CCNF: variants seen among roughly 807,000 people sequenced by gnomAD.
The protein encoded by CCNF is cyclin F, also known as cyclin-F.
In CCNF, 30 loss-of-function variants were observed where a neutral mutation model predicts 85.4. The ratio of observed to expected loss-of-function variants is 0.35; its 90% confidence interval spans 0.26 to 0.48. The LOEUF is 0.48. CCNF is among the 20% of genes least tolerant of loss of function. CCNF has a pLI of 0.99. For synonymous variants in CCNF, 439 were observed against 425.1 expected (o/e 1.03, Z -0.40); for missense variants, 919 against 1,010.4 (o/e 0.91, Z 1.23).
At chr16:2,435,918 G>A (rs1279749774) in intron 4 of CCNF, 45 bp downstream of exon 4, 10 of 1,432,542 alleles carry the variant, frequency 7.0e-6, no homozygotes, top group Non-Finnish European at 8.9e-6. Context: ...AGATAAGTGT[G>A]AGCCTTTGGC....
chr16:2,444,115 T>C (rs1394845742), intron 9 of CCNF, among the ~76,000 whole-genome samples: 3 of 151,854 alleles, frequency 2.0e-5, no homozygotes, highest in African/African-American at 7.3e-5. Flanking sequence ...GAGATGGGGT[T>C]TCACCATGTT....
chr16:2,457,065 G>A lies in CCNF; in HGVS notation c.*45G>A. The A allele has an allele frequency of 3.6e-6, 5 of 1,395,920 alleles. No homozygotes were observed. The highest frequency in any genetic ancestry group is 4.9e-6 in the Non-Finnish European group (5 of 1,021,034). The allele number at this position is 1,395,920 out of a possible 1,614,324, so 86.5% of individuals were successfully genotyped here. ...GCAGTGGATGTGTACTGAGGGGGCT[G>A]GAGGCGAAGGGTGGGAGCATAGCAT... On this transcript the variant is annotated 3_prime_UTR_variant, in exon 17 of 17. Transcript: ENST00000397066.
rs1455463657 is a variant in CCNF, at chr16:2,458,419, T to G, written c.*1399T>G. 1 of 152,084 alleles carries G rather than the reference T, an allele frequency of 6.6e-6. No homozygotes were observed. The highest frequency in any genetic ancestry group is 1.5e-5 in the Non-Finnish European group (1 of 68,048). The allele number at this position is 152,084 out of a possible 1,614,324, so 9.4% of individuals were successfully genotyped here. ...AGCACCCAACCACGCCCAGCTAATT[T>G]TTGTATTTTCGGTAGAGACGGGATT... On this transcript the variant is annotated 3_prime_UTR_variant, in exon 17 of 17. Transcript: ENST00000397066.
intron 10 of CCNF, 110 bp from the exon 11 acceptor site, chr16:2,448,745 A>C (rs2065375360): frequency 4.1e-6 from 4 of 965,140 alleles, no homozygotes. Context: ...CCAAAGCCCA[A>C]CGCCATGGCT....
At chr16:2,447,156 A>G (rs558085208) in intron 10 of CCNF, among the ~76,000 whole-genome samples, 4 of 152,348 alleles carry the variant, frequency 2.6e-5, no homozygotes, top group East Asian at 3.9e-4. Flanking sequence ...CAGTGAGAGA[A>G]TAACTGCTAA....
intron 15 of CCNF, 96 bp from the exon 16 acceptor site, chr16:2,455,295 ACAGG>A (rs781175835): frequency 8.5e-6 from 12 of 1,405,572 alleles, no homozygotes; most frequent in Admixed American, 2.7e-5. Context: ...GCACGTGGTG[ACAGG>A]CTGGGGCACG....
intron 8 of CCNF, among the ~76,000 whole-genome samples, chr16:2,442,903 T>C (rs1437482071): frequency 3.4e-5 from 3 of 87,330 alleles, no homozygotes; most frequent in South Asian, 6.3e-4. Context: ...ATATATTATA[T>C]AATATATAAA....
At chr16:2,430,145 G>A (rs1044316318) in intron 1 of CCNF, among the ~76,000 whole-genome samples, 12 of 152,180 alleles carry the variant, frequency 7.9e-5, no homozygotes, top group African/African-American at 2.4e-5. Context: ...CCGGTCAAGA[G>A]AGGGGAGCCG....
At chr16:2,437,903 TAA>T (rs34068510) in intron 5 of CCNF, 165 bp from the exon 6 acceptor site, 7,551 of 404,972 alleles carry the variant, frequency 0.019, no homozygotes, top group Middle Eastern at 0.032. Context: ...TGTTTCCCTT[TAA>T]AAAAAAAAAA....
Position 2,435,887 on chromosome 16 carries a change from C to T in CCNF, c.346+14C>T. 6.2e-7 allele frequency: 1 copy of T among 1,602,416 alleles called. No homozygotes were observed. Among genetic ancestry groups the T allele is most frequent in the Non-Finnish European group, 8.5e-7 (1 of 1,169,744 alleles). On this transcript the variant is annotated intron_variant, in intron 4 of 16. Transcript: ENST00000397066. ...ACAATGAAGGCCGTAAGTCCTCACCCCACCTGCATGTTGGCGCTTCAGATA... is the reference window on the plus strand; with the variant it reads ...ACAATGAAGGCCGTAAGTCCTCACCTCACCTGCATGTTGGCGCTTCAGATA...
chr16:2,440,486 A>G (rs2065315213), intron 8 of CCNF, among the ~76,000 whole-genome samples: 1 of 152,050 alleles, frequency 6.6e-6, no homozygotes. Context: ...GCGTGGTGGC[A>G]GGCACCTGAT....
rs748739816 is a variant in CCNF, at chr16:2,455,451, C to T, written c.1772C>T (p.Ala591Val). 39 of 1,599,896 alleles carry T rather than the reference C, an allele frequency of 2.4e-5. No homozygotes were observed. The highest frequency in any genetic ancestry group is 2.9e-5 in the Non-Finnish European group (34 of 1,169,036). Residue 591 changes from alanine (A) to valine (V), a missense_variant, in exon 16 of 17, where the codon GCG (alanine) becomes GTG (valine). Around this residue, in one of 3 missense-constraint regions of CCNF, gnomAD observed 505 missense variants for 514.8 expected, o/e 0.98. Coordinates refer to ENST00000397066, the MANE Select transcript of CCNF (RefSeq NM_001761.3). Reference sequence around the variant, plus strand: ...GGCAGCTTCGTTACCACCCCCACTGCGGAGCTGTCCAGCCAGGAGGAGACG... The same window carrying T: ...GGCAGCTTCGTTACCACCCCCACTGTGGAGCTGTCCAGCCAGGAGGAGACG... ...DRGSFVTTPT[A>V]ELSSQEETLL...
chr16:2,431,776 T>C (rs1316171464), intron 2 of CCNF, among the ~76,000 whole-genome samples: 3 of 151,682 alleles, frequency 2.0e-5, no homozygotes, highest in African/African-American at 7.3e-5. Flanking sequence ...AAATTCCTAC[T>C]GCTGTCTCCT....
chr16:2,446,217 C>G (rs2065361631), intron 10 of CCNF, among the ~76,000 whole-genome samples: 1 of 151,898 alleles, frequency 6.6e-6, no homozygotes, highest in African/African-American at 2.4e-5. Context: ...TGGCCTCGCT[C>G]TGGCAGGCAC....
intron 11 of CCNF, 43 bp from the exon 12 acceptor site, chr16:2,449,239 G>C (rs781247687): frequency 2.1e-5 from 33 of 1,603,840 alleles, no homozygotes; most frequent in African/African-American, 2.7e-5. Context: ...GCACCAAGGA[G>C]CCCCCGAGCG....
At chr16:2,440,633 T>C (rs2065316158) in intron 8 of CCNF, among the ~76,000 whole-genome samples, 1 of 152,034 alleles carries the variant, frequency 6.6e-6, no homozygotes, top group African/African-American at 2.4e-5. Context: ...CAAAGAAAGC[T>C]CCTATTTGCC....
chr16:2,449,650 G>T (rs2065382672), intron 12 of CCNF, among the ~76,000 whole-genome samples, 178 bp from the exon 13 acceptor site: 1 of 152,138 alleles, frequency 6.6e-6, no homozygotes, highest in Non-Finnish European at 1.5e-5. Context: ...CCTATGTATG[G>T]GTTTTTTTCA....
At position 2,449,828 on chromosome 16, in the gene CCNF, C is replaced by G; in HGVS notation, c.1400C>G (p.Thr467Arg). ...LLLARLTHGQTQPWTTQLWDL... is the reference protein window; with the variant it reads ...LLLARLTHGQRQPWTTQLWDL... ...ACCCCTGGCCTGCTTTCCTCCCCAG[C>G]ACAGCCCTGGACCACTCAGCTGTGG... Residue 467 changes from threonine (T) to arginine (R), a missense_variant and splice_region_variant, in exon 13 of 17, where the codon ACA becomes AGA. Around this residue, in one of 3 missense-constraint regions of CCNF, gnomAD observed 505 missense variants for 514.8 expected, o/e 0.98. Coordinates refer to ENST00000397066, the MANE Select transcript of CCNF (RefSeq NM_001761.3). The G allele has an allele frequency of 6.7e-7, 1 of 1,502,956 alleles. No homozygotes were observed. Among genetic ancestry groups the G allele is most frequent in the South Asian group, 1.1e-5 (1 of 89,350 alleles). The allele number at this position is 1,502,956 out of a possible 1,614,324, so 93.1% of individuals were successfully genotyped here. A position where few individuals can be genotyped will look rare whatever the true frequency, so the allele number is the denominator to read the frequency against.
At chr16:2,447,273 ATCT>A (rs1231459001) in intron 10 of CCNF, among the ~76,000 whole-genome samples, 7 of 150,562 alleles carry the variant, frequency 4.6e-5, no homozygotes, top group Non-Finnish European at 8.9e-5. Flanking sequence ...CTGCCTTATT[ATCT>A]TTTTTTTTTT....
Sources: allele counts gnomAD v4.1 joint callset (sites outside exome capture counted in the v4.1 genomes callset), GRCh38; gene constraint gnomAD v4.1.1; regional missense constraint gnomAD v4.1.1; transcripts MANE v1.5; gene names NCBI Gene and HGNC (gene_info 2026-07-23, HGNC 2026-07-21).